ASTN2: variants seen among roughly 807,000 people sequenced by gnomAD.
The protein encoded by ASTN2 is astrotactin 2, also known as astrotactin-2.
A neutral mutation model predicts 139.8 loss-of-function variants in ASTN2; 54 were observed. The observed-to-expected ratio is 0.39, with a 90% CI of 0.31 to 0.48. ASTN2 has a LOEUF of 0.48. ASTN2 is among the 20% of genes least tolerant of loss of function. The pLI is 0.95. For missense variants in ASTN2, 1,565 were observed against 1,725.1 expected (o/e 0.91, Z 1.64); for synonymous variants, 756 against 719.5 (o/e 1.05, Z -0.81).
chr9:116,897,457 G>A (rs1393335821), intron 10 of ASTN2, among the ~76,000 whole-genome samples: 1 of 152,174 alleles, frequency 6.6e-6, no homozygotes, highest in Admixed American at 6.6e-5. Flanking sequence ...GATACATGAT[G>A]AGCATTCCAC....
chr9:117,409,858 G>A (rs888642760), intron 1 of ASTN2, among the ~76,000 whole-genome samples: 24 of 152,132 alleles, frequency 1.6e-4, no homozygotes, highest in African/African-American at 5.6e-4. Flanking sequence ...TTCTGGCCAG[G>A]TTCCTGGCAC....
intron 13 of ASTN2, among the ~76,000 whole-genome samples, chr9:116,753,752 G>A (rs1829461937): frequency 6.6e-6 from 1 of 151,674 alleles, no homozygotes; most frequent in African/African-American, 2.4e-5. Context: ...AAGTGGGAGT[G>A]GACAAACTAT....
At chr9:117,326,026 C>T (rs1042991434) in intron 1 of ASTN2, among the ~76,000 whole-genome samples, 4 of 152,130 alleles carry the variant, frequency 2.6e-5, no homozygotes, top group Admixed American at 1.3e-4. Flanking sequence ...TCAGAAGAGG[C>T]CACACAGCGG....
At chr9:116,795,019 C>G (rs1463966930) in intron 13 of ASTN2, among the ~76,000 whole-genome samples, 1 of 152,158 alleles carries the variant, frequency 6.6e-6, no homozygotes, top group Non-Finnish European at 1.5e-5. Context: ...TCTTGTTGCC[C>G]AGGCTAGAGT....
intron 16 of ASTN2, among the ~76,000 whole-genome samples, chr9:116,665,509 G>T (rs1266080620): frequency 2.0e-5 from 3 of 152,070 alleles, no homozygotes; most frequent in Non-Finnish European, 4.4e-5. Flanking sequence ...TAGAAATAAT[G>T]ATAATGTACT....
At chr9:116,858,147 C>T (rs896637543) in intron 11 of ASTN2, among the ~76,000 whole-genome samples, 8 of 152,156 alleles carry the variant, frequency 5.3e-5, no homozygotes, top group African/African-American at 1.9e-4. Context: ...CTCCCCAGTC[C>T]CAGATGCCCC....
At chr9:117,413,965 C>T (rs767053217) in intron 1 of ASTN2, among the ~76,000 whole-genome samples, 3 of 152,188 alleles carry the variant, frequency 2.0e-5, no homozygotes, top group Non-Finnish European at 2.9e-5. Flanking sequence ...GTCACTCAGC[C>T]CATGCGGAAG....
At chr9:116,612,362 C>A (rs577043205) in intron 19 of ASTN2, 84 of 152,286 alleles carry the variant, frequency 5.5e-4, no homozygotes, top group African/African-American at 1.9e-3. Context: ...CAGCTCTGCA[C>A]CAAGCGGACC....
At chr9:116,620,542 A>C in intron 17 of ASTN2, 99 bp from the exon 18 acceptor site, 1 of 1,463,638 alleles carries the variant, frequency 6.8e-7, no homozygotes, top group Non-Finnish European at 9.5e-7. Context: ...CGAGGGCTTT[A>C]GAGTAGCCCC....
chr9:117,268,988 G>A (rs143742738), intron 2 of ASTN2, among the ~76,000 whole-genome samples: 3 of 152,260 alleles, frequency 2.0e-5, no homozygotes, highest in Non-Finnish European at 2.9e-5. Context: ...TACCTACTTC[G>A]CATGGCTGTG....
chr9:117,156,459 G>C (rs890246345), intron 3 of ASTN2, among the ~76,000 whole-genome samples: 1 of 152,020 alleles, frequency 6.6e-6, no homozygotes, highest in Admixed American at 6.6e-5. Flanking sequence ...TGCATTGTAA[G>C]GTGTTTAGCA....
intron 16 of ASTN2, among the ~76,000 whole-genome samples, chr9:116,672,861 G>C (rs1340760766): frequency 2.0e-5 from 3 of 152,132 alleles, no homozygotes; most frequent in Non-Finnish European, 2.9e-5. Context: ...TCTAGATAAT[G>C]GTGTCCTTAA....
intron 19 of ASTN2, among the ~76,000 whole-genome samples, chr9:116,525,741 C>A (rs1416728405): frequency 6.6e-6 from 1 of 152,120 alleles, no homozygotes; most frequent in Non-Finnish European, 1.5e-5. Flanking sequence ...CAGGTGCCAG[C>A]TTAAGCAAAA....
chr9:116,651,447 C>A, intron 17 of ASTN2, 81 bp downstream of exon 17: 4 of 1,483,772 alleles, frequency 2.7e-6, no homozygotes, highest in Non-Finnish European at 3.7e-6. Flanking sequence ...GATGACAATA[C>A]CCCTGGACAA....
At chr9:116,437,257 C>G (rs1185759835) in intron 22 of ASTN2, 3 of 469,564 alleles carry the variant, frequency 6.4e-6, no homozygotes, top group African/African-American at 6.0e-5. Context: ...GGTGAGGAGA[C>G]TGAGGGCCAG....
intron 3 of ASTN2, among the ~76,000 whole-genome samples, chr9:117,182,621 C>A (rs1374476205): frequency 6.6e-6 from 1 of 152,214 alleles, no homozygotes; most frequent in African/African-American, 2.4e-5. Flanking sequence ...TTCCTGACCT[C>A]AGACTAAGCT....
intron 19 of ASTN2, among the ~76,000 whole-genome samples, chr9:116,499,242 A>C (rs896670509): frequency 5.3e-5 from 8 of 152,132 alleles, no homozygotes; most frequent in Admixed American, 3.3e-4. Context: ...AGCCTTGTCC[A>C]TGTTGTTCAT....
intron 3 of ASTN2, among the ~76,000 whole-genome samples, chr9:117,174,327 G>A (rs566668717): frequency 1.3e-5 from 2 of 151,882 alleles, no homozygotes; most frequent in Non-Finnish European, 2.9e-5. Context: ...AAAAATAAGT[G>A]AGTCTCAGGA....
intron 4 of ASTN2, among the ~76,000 whole-genome samples, chr9:117,138,995 T>G (rs1259633340): frequency 2.0e-5 from 3 of 152,158 alleles, no homozygotes; most frequent in African/African-American, 7.2e-5. Flanking sequence ...AAAAATTCAT[T>G]GACATAAAAA....
Sources: gnomAD v4.1 joint callset for allele counts (sites outside exome capture counted in the v4.1 genomes callset) on GRCh38, gnomAD v4.1.1 for gene constraint, MANE v1.5 for transcripts, NCBI Gene and HGNC (gene_info 2026-07-23, HGNC 2026-07-21) for gene names.